Variants in MACROD2 observed in about 807,000 individuals in gnomAD.
The protein encoded by MACROD2 is ADP-ribose glycohydrolase MACROD2.
Under a neutral mutation model 70.4 loss-of-function variants are expected in MACROD2, and 36 were observed. That is an observed-to-expected ratio of 0.51 (90% CI 0.39 to 0.68). The LOEUF is 0.68. Among genes scored for constraint, MACROD2 ranks in the 30% least tolerant of loss-of-function variants. The pLI is 0.00. For missense variants in MACROD2, 496 were observed against 538.4 expected (o/e 0.92, Z 0.78); for synonymous variants, 172 against 178.8 (o/e 0.96, Z 0.30).
At chr20:14,508,074 C>T (rs909911637) in intron 4 of MACROD2, among the ~76,000 whole-genome samples, 3 of 152,040 alleles carry the variant, frequency 2.0e-5, no homozygotes, top group Non-Finnish European at 2.9e-5. Context: ...TTCACATGTG[C>T]CAGGAAATCT....
At chr20:15,251,927 G>A (rs1304809874) in intron 6 of MACROD2, among the ~76,000 whole-genome samples, 1 of 152,182 alleles carries the variant, frequency 6.6e-6, no homozygotes, top group Non-Finnish European at 1.5e-5. Context: ...AGCTGAGGGA[G>A]TTATATTAAG....
chr20:14,849,385 G>C (rs1269064773), intron 5 of MACROD2, among the ~76,000 whole-genome samples: 1 of 152,132 alleles, frequency 6.6e-6, no homozygotes, highest in Non-Finnish European at 1.5e-5. Context: ...TTGAATTAAA[G>C]GTGTGTTGAT....
chr20:14,485,055 T>C (rs1341848727), intron 3 of MACROD2, among the ~76,000 whole-genome samples: 1 of 152,152 alleles, frequency 6.6e-6, no homozygotes, highest in African/African-American at 2.4e-5. Flanking sequence ...TCTAAACTGT[T>C]TTCCCTAGTG....
intron 6 of MACROD2, among the ~76,000 whole-genome samples, chr20:15,409,986 A>C (rs1255654626): frequency 6.6e-6 from 1 of 152,024 alleles, no homozygotes; most frequent in Non-Finnish European, 1.5e-5. Flanking sequence ...GGCTGCCAAC[A>C]TTGGGCCTAC....
chr20:15,709,233 A>G (rs2146912210), intron 8 of MACROD2, among the ~76,000 whole-genome samples: 1 of 152,346 alleles, frequency 6.6e-6, no homozygotes, highest in East Asian at 1.9e-4. Flanking sequence ...GGCCCTGCAG[A>G]TGGCGGTGAA....
At chr20:14,695,206 G>A (rs2071109481) in intron 5 of MACROD2, among the ~76,000 whole-genome samples, 1 of 152,138 alleles carries the variant, frequency 6.6e-6, no homozygotes, top group South Asian at 2.1e-4. Context: ...CCATTCTGAA[G>A]GTTCCAGGAG....
At chr20:14,681,083 C>T (rs2070926376) in intron 4 of MACROD2, among the ~76,000 whole-genome samples, 1 of 152,152 alleles carries the variant, frequency 6.6e-6, no homozygotes, top group South Asian at 2.1e-4. Flanking sequence ...GCATTGAATA[C>T]TCCTTTATAG....
intron 3 of MACROD2, among the ~76,000 whole-genome samples, chr20:14,235,696 C>G (rs549767817): frequency 5.9e-5 from 9 of 151,564 alleles, no homozygotes; most frequent in Non-Finnish European, 1.3e-4. Flanking sequence ...GTAGATTACA[C>G]TTTTTTCACG....
chr20:15,318,612 G>GATT (rs1221075759), intron 6 of MACROD2, among the ~76,000 whole-genome samples: 1 of 152,074 alleles, frequency 6.6e-6, no homozygotes, highest in African/African-American at 2.4e-5. Flanking sequence ...ATATTAAAAG[G>GATT]ATTATACATT....
At chr20:14,080,600 A>G (rs1050973258) in intron 2 of MACROD2, among the ~76,000 whole-genome samples, 48 of 152,186 alleles carry the variant, frequency 3.2e-4, no homozygotes, top group African/African-American at 1.1e-3. Flanking sequence ...ACAAGAGTTA[A>G]AAAAGGAAGT....
chr20:14,721,254 CA>C (rs200181158), intron 5 of MACROD2, among the ~76,000 whole-genome samples: 139 of 90,238 alleles, frequency 1.5e-3, no homozygotes, highest in Admixed American at 1.6e-3. Flanking sequence ...GACCCCATCT[CA>C]AAAAAAAAAA....
chr20:15,255,228 A>G (rs1195704138), intron 6 of MACROD2, among the ~76,000 whole-genome samples: 4 of 152,016 alleles, frequency 2.6e-5, no homozygotes, highest in Non-Finnish European at 4.4e-5. Context: ...TCTCTAATGT[A>G]AGAAGATTCT....
rs142813712 is a variant in MACROD2 at position 15,594,654 on chromosome 20, A to G, written c.645+94807A>G. Among the ~76,000 whole-genome samples the G allele has an allele frequency of 3.7e-3, 561 of 152,228 alleles. 2 individuals carry two copies. Among genetic ancestry groups the G allele is most frequent in the Non-Finnish European group, 5.2e-3 (356 of 68,018 alleles). On this transcript the variant is annotated intron_variant, in intron 8 of 17. Coordinates refer to ENST00000684519, the MANE Select transcript of MACROD2 (RefSeq NM_001351661.2). ...TTATCTCTCTGTTGACTTTTTTCCC[A>G]TGATACCTTTTATGGAATGTTAACT... is the stretch of plus-strand genomic sequence containing the variant.
chr20:15,403,963 A>G (rs2045964699), intron 6 of MACROD2, among the ~76,000 whole-genome samples: 1 of 152,222 alleles, frequency 6.6e-6, no homozygotes, highest in Non-Finnish European at 1.5e-5. Context: ...CAAGAGGAGT[A>G]TCAGCAATTT....
At chr20:14,122,637 GA>G (rs1800608514) in intron 3 of MACROD2, among the ~76,000 whole-genome samples, 2 of 152,136 alleles carry the variant, frequency 1.3e-5, no homozygotes, top group South Asian at 4.1e-4. Flanking sequence ...GGGGGTGTCA[GA>G]ACGAATATTT....
chr20:15,394,773 A>G (rs961861848), intron 6 of MACROD2, among the ~76,000 whole-genome samples: 4 of 152,184 alleles, frequency 2.6e-5, no homozygotes, highest in African/African-American at 9.7e-5. Flanking sequence ...ACTCACCTCA[A>G]TTACAGGGTC....
intron 7 of MACROD2, among the ~76,000 whole-genome samples, chr20:15,432,012 C>G (rs2046369380): frequency 6.6e-6 from 1 of 151,956 alleles, no homozygotes; most frequent in South Asian, 2.1e-4. Flanking sequence ...CTTGCTTTCA[C>G]TAGCCTAAAG....
At chr20:15,153,285 T>A (rs1425460259) in intron 5 of MACROD2, among the ~76,000 whole-genome samples, 1 of 151,906 alleles carries the variant, frequency 6.6e-6, no homozygotes, top group African/African-American at 2.4e-5. Context: ...GGCTATTTTA[T>A]AGGATTTGGG....
rs1053942132 is a variant in MACROD2, at chr20:14,494,502, C to T, written c.301+994C>T. 3.3e-5 allele frequency among the ~76,000 whole-genome samples: 5 copies of T among 151,788 alleles called. No homozygotes were observed. The East Asian group carries it at 7.7e-4, about 23-fold the overall frequency. On this transcript the variant is annotated intron_variant, in intron 4 of 17. Transcript: ENST00000684519. ...AAGTGCTCTTCGTATTATCACATGT[C>T]AGTGCATGTTCTGTACCAGAGTATC...
Sources: allele counts gnomAD v4.1 joint callset (sites outside exome capture counted in the v4.1 genomes callset), GRCh38; gene constraint gnomAD v4.1.1; transcripts MANE v1.5; gene names NCBI Gene and HGNC (gene_info 2026-07-23, HGNC 2026-07-21).